The following HSP90AA1 variants were observed in gnomAD, a reference collection of about 807,000 sequenced individuals.
The protein encoded by HSP90AA1 is heat shock protein HSP 90-alpha.
Under a neutral mutation model 73.3 loss-of-function variants are expected in HSP90AA1, and 18 were observed. The observed-to-expected ratio is 0.25, with a 90% CI of 0.17 to 0.36. The LOEUF is 0.36. Among genes scored for constraint, HSP90AA1 ranks in the 10% least tolerant of loss-of-function variants. The pLI is 1.00. For synonymous variants in HSP90AA1, 477 were observed against 296.9 expected (o/e 1.61, Z -6.24); for missense variants, 704 against 874.2 (o/e 0.81, Z 2.45).
chr14:102,111,174 A>C (rs1390276508), intron 1 of HSP90AA1, among the ~76,000 whole-genome samples: 4 of 152,256 alleles, frequency 2.6e-5, no homozygotes, highest in African/African-American at 9.6e-5. Context: ...TAATTTCCCA[A>C]GACAATGGGA....
intron 6 of HSP90AA1, 80 bp from the exon 7 acceptor site, chr14:102,084,063 A>C (rs780720271): frequency 1.5e-5 from 16 of 1,090,790 alleles, no homozygotes; most frequent in Non-Finnish European, 2.1e-5. Context: ...AATCAAAGAT[A>C]ACCTGAAGAT....
Position 102,109,654 on chromosome 14 carries a change from A to G in HSP90AA1, c.156-7569T>C, listed in dbSNP as rs11847384. Among the ~76,000 whole-genome samples the G allele has an allele frequency of 3.3e-3, 497 of 152,324 alleles. 5 individuals are homozygous for G. Among genetic ancestry groups the G allele is most frequent in the African/African-American group, 0.011 (474 of 41,572 alleles). On this transcript the variant is annotated intron_variant, in intron 1 of 11. Transcript: ENST00000334701. ...GTATGTCCTTACCAGCAGCATGAAA[A>G]TGGACTAATACAGTAAATTGTTACC...
chr14:102,117,106 G>A (rs1451635841), intron 1 of HSP90AA1, among the ~76,000 whole-genome samples: 1 of 152,192 alleles, frequency 6.6e-6, no homozygotes, highest in Non-Finnish European at 1.5e-5. Context: ...TCCCTCTTTG[G>A]ACTTTTGGTA....
rs954396921 is a variant in HSP90AA1, at chr14:102,099,740, G to A, written c.366+2135C>T. 3.3e-5 allele frequency among the ~76,000 whole-genome samples: 5 copies of A among 152,204 alleles called. No homozygotes were observed. The East Asian group carries it at 7.7e-4, about 23-fold the overall frequency. On this transcript the variant is annotated intron_variant, in intron 2 of 11. Coordinates refer to the HSP90AA1 transcript ENST00000334701. Reference sequence around the variant, plus strand: ...GTTCTTACTAAGTGAGAAGGTGGACGCTTCATGCTTGCTTCTGTTTCCCAA... The same window carrying A: ...GTTCTTACTAAGTGAGAAGGTGGACACTTCATGCTTGCTTCTGTTTCCCAA...
chr14:102,081,647 C>T lies in HSP90AA1; in HGVS notation c.*65G>A, dbSNP rs2049101447. 2 of 817,092 alleles carry T rather than the reference C, an allele frequency of 2.4e-6. No homozygotes were observed. The highest frequency in any genetic ancestry group is 4.4e-6 in the Non-Finnish European group (2 of 453,020). 50.6% of individuals were successfully genotyped at this position (817,092 alleles called of 1,614,324 possible). A position where few individuals can be genotyped will look rare whatever the true frequency, so the allele number is the denominator to read the frequency against. On this transcript the variant is annotated 3_prime_UTR_variant, in exon 11 of 11. Transcript: ENST00000216281. The stretch of plus-strand genomic sequence containing the variant: ...ATTAACAAAAATAAAGAAAAACATC[C>T]TTGAAAATATATTATCAGAGGAATT...
At chr14:102,088,391 A>G (rs1024126230), upstream of HSP90AA1, among the ~76,000 whole-genome samples, 2 of 152,216 alleles carry the variant, frequency 1.3e-5, no homozygotes, top group African/African-American at 2.4e-5. Flanking sequence ...TGCCGTGTAA[A>G]GAAACGATGG....
At chr14:102,139,253 C>A in exon 1 of HSP90AA1, 1 of 1,614,126 alleles carries the variant, frequency 6.2e-7, no homozygotes, top group Non-Finnish European at 8.5e-7. Context: ...TTGGTACCTT[C>A]TCAGAAACGG....
At chr14:102,121,413 G>A (rs1251965523) in intron 1 of HSP90AA1, among the ~76,000 whole-genome samples, 1 of 151,984 alleles carries the variant, frequency 6.6e-6, no homozygotes, top group Non-Finnish European at 1.5e-5. Context: ...ACATTTATGC[G>A]GGTAAATTCC....
upstream of HSP90AA1, chr14:102,087,336 G>C (rs1021323319): frequency 3.8e-5 from 10 of 262,502 alleles, no homozygotes; most frequent in African/African-American, 2.3e-4. Context: ...TCTCGGGAAG[G>C]TCCGGGCGCC....
chr14:102,087,569 C>G (rs111482627), upstream of HSP90AA1, among the ~76,000 whole-genome samples: 1,699 of 152,246 alleles, frequency 0.011, 16 homozygotes, highest in Non-Finnish European at 0.015. Context: ...GTCGTCCTGA[C>G]TGGCGCCGCG....
intron 6 of HSP90AA1, 24 bp downstream of exon 6, chr14:102,084,375 A>G: frequency 1.2e-6 from 2 of 1,604,474 alleles, no homozygotes; most frequent in Non-Finnish European, 1.7e-6. Flanking sequence ...AGTGACAGTG[A>G]TTATTTTTCC....
At position 102,083,909 on chromosome 14, in the gene HSP90AA1, T is replaced by C; in HGVS notation, c.1222A>G (p.Ile408Val). Residue 408 changes from isoleucine (I) to valine (V), a missense_variant, in exon 7 of 11, where the codon ATT becomes GTT. Transcript: ENST00000216281. ...ISREMLQQSK[I>V]LKVIRKNLVK... ...AAATTCTTCCTGATAACTTTCAAAA[T>C]TTTGCTTTGTTGCAACATCTCACGG... is the stretch of plus-strand genomic sequence containing the variant. 1 of 1,614,020 alleles carries C rather than the reference T, an allele frequency of 6.2e-7. No individual in the cohort carries two copies. Among genetic ancestry groups the C allele is most frequent in the East Asian group, 2.2e-5 (1 of 44,884 alleles).
At chr14:102,101,174 G>C (rs1473854591) in intron 2 of HSP90AA1, among the ~76,000 whole-genome samples, 1 of 152,150 alleles carries the variant, frequency 6.6e-6, no homozygotes, top group Non-Finnish European at 1.5e-5. Flanking sequence ...TCCTGTGGCT[G>C]CATGAGATAC....
intron 3 of HSP90AA1, 136 bp from the exon 4 acceptor site, chr14:102,085,567 T>C: frequency 1.7e-6 from 2 of 1,185,714 alleles, no homozygotes; most frequent in Middle Eastern, 1.9e-4. Flanking sequence ...GCAGAACCTT[T>C]TGGGCAAGGT....
chr14:102,095,690 T>G (rs2049415126), intron 2 of HSP90AA1, among the ~76,000 whole-genome samples: 1 of 152,180 alleles, frequency 6.6e-6, no homozygotes, highest in Non-Finnish European at 1.5e-5. Context: ...CCTTCAAATC[T>G]TCTGAGTCAT....
rs1258939199 is a variant in HSP90AA1, at chr14:102,097,367, TAGAG to T, written c.366+4504_366+4507del. 6.1e-5 allele frequency among the ~76,000 whole-genome samples: 9 copies of T among 148,300 alleles called. No individual in the cohort carries two copies. The East Asian group carries it at 1.6e-3, about 26-fold the overall frequency. On this transcript the variant is annotated intron_variant, in intron 2 of 11. Transcript: ENST00000334701. ...ATTTGAAGCAAGCTGAGTCTTAAGG[TAGAG>T]AGAGCCAGGGATTGTGGATTGTGGA...
chr14:102,082,566 A>G, intron 9 of HSP90AA1, 122 bp from the exon 10 acceptor site: 1 of 755,554 alleles, frequency 1.3e-6, no homozygotes, highest in Admixed American at 2.2e-5. Context: ...GTCAAATACA[A>G]CTTAAATGTC....
At chr14:102,102,032 A>G in exon 2 of HSP90AA1, 1 of 1,614,110 alleles carries the variant, frequency 6.2e-7, no homozygotes, top group Non-Finnish European at 8.5e-7. Context: ...AGACACCATC[A>G]GATGCCAGAG....
chr14:102,090,812 G>A (rs1463306644), upstream of HSP90AA1, among the ~76,000 whole-genome samples: 2 of 152,176 alleles, frequency 1.3e-5, no homozygotes, highest in Non-Finnish European at 2.9e-5. Flanking sequence ...AATATTTGTT[G>A]ACCTCGTCCC....
Sources: allele counts gnomAD v4.1 joint callset (sites outside exome capture counted in the v4.1 genomes callset), GRCh38; gene constraint gnomAD v4.1.1; transcripts MANE v1.5; gene names NCBI Gene and HGNC (gene_info 2026-07-23, HGNC 2026-07-21).